DNER: variants seen among roughly 807,000 people sequenced by gnomAD.
The protein encoded by DNER is delta/notch like EGF repeat containing, also known as delta and Notch-like epidermal growth factor-related receptor.
In DNER, 33 loss-of-function variants were observed where a neutral mutation model predicts 78.2. The ratio of observed to expected loss-of-function variants is 0.42; its 90% CI spans 0.32 to 0.56. The LOEUF (loss-of-function observed/expected upper bound fraction) is 0.56, where lower values mean the gene tolerates loss of function less well. Among genes scored for constraint, DNER ranks in the 20% least tolerant of loss-of-function variants. DNER has a pLI of 0.11. For missense variants in DNER, 918 were observed against 975.3 expected (o/e 0.94, Z 0.78); for synonymous variants, 417 against 384.8 (o/e 1.08, Z -0.98).
chr2:229,713,885 C>G (rs1481690474), intron 1 of DNER, among the ~76,000 whole-genome samples: 1 of 152,150 alleles, frequency 6.6e-6, no homozygotes. Flanking sequence ...GCGTCTAGAG[C>G]CCCGCGCGAG....
At chr2:229,625,178 A>G (rs561478807) in intron 1 of DNER, among the ~76,000 whole-genome samples, 2 of 152,384 alleles carry the variant, frequency 1.3e-5, no homozygotes, top group East Asian at 3.8e-4. Flanking sequence ...AAGCAAATTC[A>G]GAAAAATCTG....
Position 229,586,020 on chromosome 2 carries a change from G to A in DNER, c.685C>T (p.Arg229Trp), listed in dbSNP as rs752425589. ...EVPQNTSVKI[R>W]QDATASLILL... The stretch of plus-strand genomic sequence containing the variant: ...ATCAGTGAGGCAGTGGCATCTTGCC[G>A]AATCCTGGAAACAGGAATGATGTAA... Residue 229 changes from arginine (R) to tryptophan (W), a missense_variant, in exon 4 of 13, where the codon CGG becomes TGG. Transcript: ENST00000341772. The A allele has an allele frequency of 1.2e-5, 19 of 1,609,136 alleles. No individual in the cohort carries two copies. Among genetic ancestry groups the A allele is most frequent in the Middle Eastern group, 3.3e-4 (2 of 6,056 alleles).
chr2:229,541,774 T>C (rs1438658446), intron 5 of DNER, among the ~76,000 whole-genome samples: 1 of 151,178 alleles, frequency 6.6e-6, no homozygotes, highest in East Asian at 1.9e-4. Context: ...TCTATAGGCC[T>C]CCCCCATTAG....
In DNER at chr2:229,392,934, C is replaced by A. The variant is rs376510116; in HGVS notation, c.1724-4538G>T. Among the ~76,000 whole-genome samples the A allele has an allele frequency of 2.0e-4, 31 of 152,186 alleles. 1 individual carries two copies. Among genetic ancestry groups the A allele is most frequent in the African/African-American group, 6.5e-4 (27 of 41,528 alleles). ...ATTATTAGACATGCAACAAAGTAGGCTCACGTGACCCATAACTGCATGAAA... is the reference window on the plus strand; with the variant it reads ...ATTATTAGACATGCAACAAAGTAGGATCACGTGACCCATAACTGCATGAAA... On this transcript the variant is annotated intron_variant, in intron 10 of 12. Coordinates refer to ENST00000341772, the MANE Select transcript of DNER (RefSeq NM_139072.4).
At chr2:229,484,740 C>A (rs957594446) in intron 6 of DNER, among the ~76,000 whole-genome samples, 6 of 152,136 alleles carry the variant, frequency 3.9e-5, no homozygotes, top group Non-Finnish European at 8.8e-5. Context: ...CAGTCTCCTA[C>A]AACAAAGAAT....
chr2:229,452,348 C>T (rs1177856967), intron 7 of DNER, among the ~76,000 whole-genome samples: 1 of 152,152 alleles, frequency 6.6e-6, no homozygotes, highest in East Asian at 1.9e-4. Flanking sequence ...GAAGAGACGA[C>T]AGAGCCCAGA....
chr2:229,491,506 A>T (rs1695398430), intron 6 of DNER, among the ~76,000 whole-genome samples: 1 of 152,208 alleles, frequency 6.6e-6, no homozygotes, highest in African/African-American at 2.4e-5. Flanking sequence ...GCAAACACAG[A>T]TCATAGCACT....
At chr2:229,422,054 C>T (rs1693778602) in intron 8 of DNER, among the ~76,000 whole-genome samples, 1 of 151,976 alleles carries the variant, frequency 6.6e-6, no homozygotes, top group Non-Finnish European at 1.5e-5. Flanking sequence ...TGTTTTTCTT[C>T]CTTGGGGGGG....
At chr2:229,693,338 A>G (rs1474160107) in intron 1 of DNER, among the ~76,000 whole-genome samples, 1 of 152,020 alleles carries the variant, frequency 6.6e-6, no homozygotes, top group Non-Finnish European at 1.5e-5. Context: ...TTTCCTTTAT[A>G]AATTACTCAG....
intron 1 of DNER, among the ~76,000 whole-genome samples, chr2:229,628,183 G>A (rs1442291927): frequency 1.3e-5 from 2 of 152,172 alleles, no homozygotes; most frequent in Admixed American, 1.3e-4. Context: ...ACATGGAGAT[G>A]CCCTGAAGCA....
intron 10 of DNER, among the ~76,000 whole-genome samples, chr2:229,394,573 G>A (rs1189026271): frequency 3.9e-5 from 6 of 152,184 alleles, no homozygotes; most frequent in Non-Finnish European, 5.9e-5. Context: ...CTTCTATGTG[G>A]AGTGGTGTGG....
intron 4 of DNER, among the ~76,000 whole-genome samples, chr2:229,569,497 A>G (rs1697177139): frequency 6.6e-6 from 1 of 152,152 alleles, no homozygotes; most frequent in African/African-American, 2.4e-5. Context: ...AATCCAGCCT[A>G]GATGACAGAA....
chr2:229,597,134 C>T (rs2052303), intron 1 of DNER, among the ~76,000 whole-genome samples: 55,368 of 151,928 alleles, frequency 0.36, 10,244 homozygotes, highest in East Asian at 0.5. Flanking sequence ...CACAGGAGTA[C>T]GAGGCAGAGA....
At chr2:229,659,818 G>T (rs867028413) in intron 1 of DNER, among the ~76,000 whole-genome samples, 6 of 152,122 alleles carry the variant, frequency 3.9e-5, no homozygotes, top group African/African-American at 9.7e-5. Context: ...AATGTTACTT[G>T]TTTAGCTTTG....
At chr2:229,665,418 G>A (rs913168285) in intron 1 of DNER, among the ~76,000 whole-genome samples, 3 of 152,050 alleles carry the variant, frequency 2.0e-5, no homozygotes, top group Non-Finnish European at 4.4e-5. Context: ...ACAGAGAGCC[G>A]AGGAAATGGG....
At chr2:229,488,444 T>C (rs537434079) in intron 6 of DNER, among the ~76,000 whole-genome samples, 4 of 152,356 alleles carry the variant, frequency 2.6e-5, no homozygotes, top group African/African-American at 7.2e-5. Context: ...GTGCATGTGT[T>C]GCATATGCAT....
rs1051721611 is a variant in DNER, at chr2:229,388,162, C to T, written c.1855+103G>A. On this transcript the variant is annotated intron_variant, in intron 11 of 12. Transcript: ENST00000341772. ...CTCACTGCCTCATCTGCCAGTGACT[C>T]GGGGGCTTTCTGGTCACAGTCGGCA... 52 of 1,470,190 alleles carry T rather than the reference C, an allele frequency of 3.5e-5. No homozygotes were observed. In the Admixed American group the frequency reaches 5.0e-4, roughly 14 times the overall value. 91.1% of individuals were successfully genotyped at this position (1,470,190 alleles called of 1,614,324 possible). A position where few individuals can be genotyped will look rare whatever the true frequency, so the allele number is the denominator to read the frequency against.
intron 4 of DNER, among the ~76,000 whole-genome samples, chr2:229,556,193 C>A (rs1051511087): frequency 6.6e-6 from 1 of 152,214 alleles, no homozygotes. Flanking sequence ...CCTTGATGAA[C>A]ACTTACTGAA....
chr2:229,674,420 A>C (rs949821760), intron 1 of DNER, among the ~76,000 whole-genome samples: 2 of 152,166 alleles, frequency 1.3e-5, no homozygotes, highest in East Asian at 3.9e-4. Flanking sequence ...CTAGGATTAC[A>C]GGCATGTGCC....
Sources: gnomAD v4.1 joint callset for allele counts (sites outside exome capture counted in the v4.1 genomes callset) on GRCh38, gnomAD v4.1.1 for gene constraint, MANE v1.5 for transcripts, NCBI Gene and HGNC (gene_info 2026-07-23, HGNC 2026-07-21) for gene names.